The following SOX13 variants were observed in gnomAD, a reference collection of about 807,000 sequenced individuals.
SOX13 encodes transcription factor SOX-13.
A neutral mutation model predicts 71.8 loss-of-function variants in SOX13; 28 were observed. That is an observed-to-expected ratio of 0.39 (90% CI 0.29 to 0.53). SOX13 has a LOEUF of 0.53. Ranked by LOEUF, SOX13 falls within the 20% of genes least tolerant of loss-of-function variation. The pLI is 0.70. For synonymous variants in SOX13, 309 were observed against 317.8 expected, an observed-to-expected ratio of 0.97 and a Z score of 0.29; for missense variants, 627 against 810.3, an observed-to-expected ratio of 0.77 and a Z score of 2.75.
At position 204,117,666 on chromosome 1, in the gene SOX13, C is replaced by T. The variant is rs764676220; in HGVS notation, c.734C>T (p.Ser245Phe). The change falls in exon 7 of 14, where the codon TCC (serine) becomes TTC (phenylalanine). Residue 245 changes from serine (S) to phenylalanine (F), a missense_variant. Coordinates refer to ENST00000367204, the MANE Select transcript of SOX13 (RefSeq NM_005686.3). ...CAACCTCTGCCTGTCACCCCTGACTCCCAGCTGGCCTTACCCATTCAGCCC... is the reference window on the plus strand; with the variant it reads ...CAACCTCTGCCTGTCACCCCTGACTTCCAGCTGGCCTTACCCATTCAGCCC... ...SHQPLPVTPD[S>F]QLALPIQPIP... 1 of 1,613,794 alleles carries T rather than the reference C, an allele frequency of 6.2e-7. No individual in the cohort carries two copies. Among genetic ancestry groups the T allele is most frequent in the South Asian group, 1.1e-5 (1 of 90,956 alleles).
chr1:204,108,474 C>G (rs1241181697), intron 1 of SOX13, among the ~76,000 whole-genome samples: 2 of 152,240 alleles, frequency 1.3e-5, no homozygotes, highest in African/African-American at 2.4e-5. Flanking sequence ...TGGTCGTTCA[C>G]CATCCCCAAC....
At chr1:204,105,998 C>T (rs2102246390) in intron 1 of SOX13, among the ~76,000 whole-genome samples, 1 of 152,224 alleles carries the variant, frequency 6.6e-6, no homozygotes, top group South Asian at 2.1e-4. Flanking sequence ...AGGTTACTGA[C>T]CTTAAAACCT....
intron 1 of SOX13, among the ~76,000 whole-genome samples, chr1:204,104,199 A>T (rs559983117): frequency 2.0e-3 from 309 of 151,856 alleles, no homozygotes; most frequent in African/African-American, 7.2e-3. Context: ...GATGTTGGCC[A>T]CTCTACCAGG....
intron 1 of SOX13, among the ~76,000 whole-genome samples, chr1:204,098,879 T>C (rs1037641913): frequency 6.6e-6 from 1 of 152,246 alleles, no homozygotes; most frequent in Non-Finnish European, 1.5e-5. Context: ...GCAGGCTCCA[T>C]TGAGCTCTTC....
At chr1:204,080,255 A>G (rs1655875199) in intron 1 of SOX13, among the ~76,000 whole-genome samples, 1 of 152,196 alleles carries the variant, frequency 6.6e-6, no homozygotes, top group Non-Finnish European at 1.5e-5. Context: ...TAGCCTTGGC[A>G]TGAAGCCCTA....
At chr1:204,083,036 C>T (rs913385504) in intron 1 of SOX13, among the ~76,000 whole-genome samples, 56 of 152,198 alleles carry the variant, frequency 3.7e-4, no homozygotes, top group Non-Finnish European at 7.3e-4. Flanking sequence ...GTTCACCTGA[C>T]CTTAGATCCG....
intron 7 of SOX13, chr1:204,119,524 C>T (rs1311447779): frequency 6.6e-6 from 1 of 152,192 alleles, no homozygotes; most frequent in East Asian, 1.9e-4. Context: ...CTAAGTCTAT[C>T]ACATTGGGAA....
intron 1 of SOX13, among the ~76,000 whole-genome samples, chr1:204,107,294 T>C (rs192649553): frequency 1.3e-5 from 2 of 152,224 alleles, no homozygotes; most frequent in East Asian, 3.9e-4. Flanking sequence ...TAAACCCAGG[T>C]TGTTGGATTC....
intron 1 of SOX13, among the ~76,000 whole-genome samples, chr1:204,111,381 T>G (rs904522912): frequency 3.9e-5 from 6 of 152,308 alleles, no homozygotes; most frequent in African/African-American, 1.2e-4. Context: ...AGCTGGAACC[T>G]GCTGTGTTCC....
chr1:204,124,540 TG>T, intron 12 of SOX13, 100 bp from the exon 13 acceptor site: 1 of 948,896 alleles, frequency 1.1e-6, no homozygotes, highest in Non-Finnish European at 1.6e-6. Context: ...TATTATCTTA[TG>T]GACCCACCTG....
chr1:204,116,692 C>A lies in SOX13; in HGVS notation c.591+13C>A. 1 of 1,612,344 alleles carries A rather than the reference C, an allele frequency of 6.2e-7. No individual in the cohort carries two copies. Among genetic ancestry groups the A allele is most frequent in the South Asian group, 1.1e-5 (1 of 90,866 alleles). The stretch of plus-strand genomic sequence containing the variant: ...GCAGCAGGAGCAGGTAGGTCCTGTT[C>A]GGTGGGTGTAGCTTTCTTTCCAGGA... On this transcript the variant is annotated intron_variant, in intron 5 of 13. Coordinates refer to ENST00000367204, the MANE Select transcript of SOX13 (RefSeq NM_005686.3).
intron 1 of SOX13, among the ~76,000 whole-genome samples, chr1:204,094,271 G>C (rs73069919): frequency 0.13 from 20,296 of 152,186 alleles, 2,106 homozygotes; most frequent in African/African-American, 0.29. Context: ...TGGCAGAGTT[G>C]ACGCTCAAAC....
In SOX13 at chr1:204,127,378, C is replaced by G. The variant is rs1656943135; in HGVS notation, c.*1244C>G. 6.6e-6 allele frequency: 1 copy of G among 152,400 alleles called. No homozygotes were observed. The highest frequency in any genetic ancestry group is 1.5e-5 in the Non-Finnish European group (1 of 68,094). 9.4% of individuals were successfully genotyped at this position (152,400 alleles called of 1,614,324 possible). On this transcript the variant is annotated 3_prime_UTR_variant, in exon 14 of 14. Coordinates refer to ENST00000367204, the MANE Select transcript of SOX13 (RefSeq NM_005686.3). ...CTGCCCCTCACCTGCCTGCCCTCCCCTCCCCCACTCTATACTAGGGACTGG... is the reference window on the plus strand; with the variant it reads ...CTGCCCCTCACCTGCCTGCCCTCCCGTCCCCCACTCTATACTAGGGACTGG...
chr1:204,084,578 G>A (rs1348352091), intron 1 of SOX13, among the ~76,000 whole-genome samples: 3 of 152,144 alleles, frequency 2.0e-5, no homozygotes, highest in South Asian at 2.1e-4. Context: ...AAACAAGGCC[G>A]CACACAGGCT....
chr1:204,076,622 G>T (rs1316271530), intron 1 of SOX13, among the ~76,000 whole-genome samples: 1 of 152,186 alleles, frequency 6.6e-6, no homozygotes, highest in African/African-American at 2.4e-5. Flanking sequence ...GCAACCAGGA[G>T]GAAGAACAGG....
At chr1:204,110,219 T>G (rs1292794270) in intron 1 of SOX13, among the ~76,000 whole-genome samples, 1 of 151,242 alleles carries the variant, frequency 6.6e-6, no homozygotes, top group Non-Finnish European at 1.5e-5. Context: ...TTCAAACTGC[T>G]GGCCTCAAGT....
At chr1:204,102,693 G>A (rs952305026) in intron 1 of SOX13, among the ~76,000 whole-genome samples, 1 of 151,038 alleles carries the variant, frequency 6.6e-6, no homozygotes, top group African/African-American at 2.4e-5. Context: ...GACCATGTGG[G>A]GGAAGGGGGT....
intron 1 of SOX13, among the ~76,000 whole-genome samples, chr1:204,089,717 G>A (rs1558211848): frequency 1.3e-5 from 2 of 152,276 alleles, no homozygotes; most frequent in Non-Finnish European, 2.9e-5. Flanking sequence ...AGGGGGTCCC[G>A]GAAGAGAGGG....
chr1:204,109,678 C>G (rs879356556), intron 1 of SOX13, among the ~76,000 whole-genome samples: 1 of 152,070 alleles, frequency 6.6e-6, no homozygotes, highest in Non-Finnish European at 1.5e-5. Context: ...ATAGTCATCC[C>G]GCTGTATCTG....
Sources: allele counts gnomAD v4.1 joint callset (sites outside exome capture counted in the v4.1 genomes callset), GRCh38; gene constraint gnomAD v4.1.1; transcripts MANE v1.5; gene names NCBI Gene and HGNC (gene_info 2026-07-23, HGNC 2026-07-21).